Variants in NBPF11 observed in about 807,000 individuals in gnomAD.
NBPF11 encodes the protein NBPF family member NBPF11.
NBPF11 carries 72 observed loss-of-function variants against 93.9 expected under a neutral mutation model. The observed-to-expected ratio is 0.77, with a 90% CI of 0.63 to 0.93. NBPF11 has a LOEUF of 0.93. Ranked by LOEUF, NBPF11 falls within the 40% of genes least tolerant of loss-of-function variation. The probability of loss-of-function intolerance (pLI) is 0.00; values close to 1 mark genes in which losing one functional copy is unlikely to be tolerated. For synonymous variants in NBPF11, 224 were observed against 304.9 expected (o/e 0.73, Z 2.76); for missense variants, 705 against 802.2 (o/e 0.88, Z 1.46).
chr1:148,124,056 A>T lies in NBPF11; in HGVS notation c.290T>A (p.Val97Asp). The T allele has an allele frequency of 1.2e-6, 2 of 1,601,772 alleles. No individual in the cohort carries two copies. The highest frequency in any genetic ancestry group is 8.5e-7 in the Non-Finnish European group (1 of 1,170,872). The change falls in exon 7 of 24, where the codon GTC becomes GAC. Residue 97 changes from valine (V) to aspartate (D), a missense_variant. Coordinates refer to ENST00000682118, the MANE Select transcript of NBPF11 (RefSeq NM_001385469.3). ...KQAEELRQYKVLVHSQERELT... is the reference protein window; with the variant it reads ...KQAEELRQYKDLVHSQERELT... ...CTCTCGTTCCTGAGAGTGAACCAGG[A>T]CTTTATATTGCCTAAGGTGAGACGG...
Position 148,103,911 on chromosome 1 carries a change from G to T in NBPF11, c.2583C>A (p.Gly861=). 6.2e-7 allele frequency: 1 copy of T among 1,610,960 alleles called. No individual in the cohort carries two copies. The highest frequency in any genetic ancestry group is 1.7e-5 in the Admixed American group (1 of 60,008). ...TCCACTTCCATCAGCACGCTGCTGA[G>T]CCTGGAAAAGGAGACAAAACTAAAG... ...GKKIKTHHAP[G]SAAC The change falls in exon 24 of 24, where the codon GGC becomes GGA. Residue 861 remains glycine, a splice_region_variant and synonymous_variant. Transcript: ENST00000682118.
Position 148,122,179 on chromosome 1 carries a change from A to G in NBPF11, c.654T>C (p.Cys218=). The change falls in exon 9 of 24, where the codon TGT becomes TGC. Residue 218 remains cysteine, a synonymous_variant. Transcript: ENST00000682118. Reference sequence around the variant, plus strand: ...TGTTCTTGTGAGGCTGGATGGAGTCACAAGGGCCGTGGCTATTTGAACAAG... The same window carrying G: ...TGTTCTTGTGAGGCTGGATGGAGTCGCAAGGGCCGTGGCTATTTGAACAAG... ...AITCSNSHGP[C]DSIQPHKNIK... 1 of 1,612,950 alleles carries G rather than the reference A, an allele frequency of 6.2e-7. No homozygotes were observed. The highest frequency in any genetic ancestry group is 1.1e-5 in the South Asian group (1 of 91,030).
rs1263972683 is a variant in NBPF11 at position 148,132,558 on chromosome 1, T to C, written c.-36+3114A>G. On this transcript the variant is annotated intron_variant, in intron 4 of 23. Transcript: ENST00000682118. ...ACTTGGAATTTTTATTAGAATTGCA[T>C]TGGATCTGGAGATCAATTTACGAAG... is the stretch of plus-strand genomic sequence containing the variant. 4.7e-5 allele frequency among the ~76,000 whole-genome samples: 7 copies of C among 149,808 alleles called. No homozygotes were observed. In the East Asian group the frequency reaches 5.9e-4, roughly 13 times the overall value.
In NBPF11 at chr1:148,127,251, G is replaced by C. The variant is rs1490125799; in HGVS notation, c.-35-213C>G. 7 of 212,732 alleles carry C rather than the reference G, an allele frequency of 3.3e-5. No individual in the cohort carries two copies. The East Asian group carries it at 6.7e-4, about 20-fold the overall frequency. The allele number at this position is 212,732 out of a possible 1,614,324, so 13.2% of individuals were successfully genotyped here. On this transcript the variant is annotated intron_variant, in intron 4 of 23. Coordinates refer to ENST00000682118, the MANE Select transcript of NBPF11 (RefSeq NM_001385469.3). ...GAAAGCACTGCTCAGACTCTGATAA[G>C]AGTGAGGTAGATTGTGGCCAGCGTG...
chr1:148,138,489 G>A (rs1284745733), intron 2 of NBPF11, among the ~76,000 whole-genome samples: 1 of 151,916 alleles, frequency 6.6e-6, no homozygotes, highest in African/African-American at 2.4e-5. Flanking sequence ...GCTTTCCTAG[G>A]CAGAGGTCCC....
At chr1:148,118,506 G>T (rs1245290210) in intron 11 of NBPF11, 114 bp downstream of exon 11, 19 of 846,750 alleles carry the variant, frequency 2.2e-5, no homozygotes, top group Non-Finnish European at 3.6e-5. Flanking sequence ...ACCTGCCATG[G>T]CAATTCCTGC....
rs1454390173 is a variant in NBPF11 at position 148,110,389 on chromosome 1, A to G, written c.1790T>C (p.Val597Ala). 3 of 1,591,008 alleles carry G rather than the reference A, an allele frequency of 1.9e-6. No homozygotes were observed. In the African/African-American group the frequency reaches 4.0e-5, roughly 21 times the overall value. ...SLEEQQVCMA[V>A]DIGRHRWDQV... ...AATGGAGTACTCACTGCCTATGTCA[A>G]CAGCCATGCAGACTTGCTGTTCCTC... The change falls in exon 16 of 24, where the codon GTT becomes GCT. Residue 597 changes from valine (V) to alanine (A), a missense_variant. Around this residue, in one of 12 missense-constraint regions of NBPF11, gnomAD observed 8 missense variants for 24.7 expected, o/e 0.32. Transcript: ENST00000682118.
At chr1:148,146,677 C>T in intron 1 of NBPF11, 2 of 1,611,804 alleles carry the variant, frequency 1.2e-6, no homozygotes, top group East Asian at 2.2e-5. Context: ...CAAGAGCGCC[C>T]GCGGCAACCG....
intron 1 of NBPF11, among the ~76,000 whole-genome samples, chr1:148,150,935 G>T (rs1257154443): frequency 6.6e-6 from 1 of 151,798 alleles, no homozygotes; most frequent in Non-Finnish European, 1.5e-5. Context: ...CACTGTGTTA[G>T]CCAGGATGGT....
rs1662867909 is a variant in NBPF11 at position 148,103,860 on chromosome 1, G to C, written c.*36C>G. On this transcript the variant is annotated 3_prime_UTR_variant, in exon 24 of 24. Coordinates refer to ENST00000682118, the MANE Select transcript of NBPF11 (RefSeq NM_001385469.3). ...GATGGAGTCGAATAATATCTATCCA[G>C]TGAGTCCTGTAAGACTTCAGGCACT... 4 of 1,611,362 alleles carry C rather than the reference G, an allele frequency of 2.5e-6. No individual in the cohort carries two copies. Among genetic ancestry groups the C allele is most frequent in the Non-Finnish European group, 3.4e-6 (4 of 1,179,392 alleles).
chr1:148,144,573 G>T (rs1394456846), intron 1 of NBPF11, among the ~76,000 whole-genome samples: 1 of 151,212 alleles, frequency 6.6e-6, no homozygotes, highest in African/African-American at 2.4e-5. Context: ...AAATGAGATT[G>T]AACACATACA....
chr1:148,115,915 G>A lies in NBPF11; in HGVS notation c.1463C>T (p.Pro488Leu). The A allele has an allele frequency of 6.3e-7, 1 of 1,584,014 alleles. No individual in the cohort carries two copies. Among genetic ancestry groups the A allele is most frequent in the South Asian group, 1.1e-5 (1 of 90,404 alleles). The change falls in exon 14 of 24, where the codon CCT (proline) becomes CTT (leucine). Residue 488 changes from proline to leucine, a missense_variant. Pro to Leu is a moderately conservative substitution (Grantham distance 98). Transcript: ENST00000682118. ...TCTATGTGGCTGGTTGGAGTCATAA[G>A]GGCCATGGCTATTTGAACAAGTGAT... ...CAITCSNSHG[P>L]YDSNQPHRKT... is the part of the protein sequence containing the mutation.
In NBPF11 at chr1:148,105,448, A is replaced by G; in HGVS notation, c.2384T>C (p.Val795Ala). The G allele has an allele frequency of 2.7e-6, 3 of 1,110,936 alleles. No homozygotes were observed. Among genetic ancestry groups the G allele is most frequent in the Non-Finnish European group, 4.0e-6 (3 of 747,472 alleles). The allele number at this position is 1,110,936 out of a possible 1,614,324, so 68.8% of individuals were successfully genotyped here. ...SLDVIQLLPV[V>A]LNSLTPASPT... ...GCTGGCAGGAGTCAGGCTGTTCAAG[A>G]CAACTGGAAGGAGTTGAATAACATC... The change falls in exon 22 of 24, where the codon GTC (valine) becomes GCC (alanine). Residue 795 changes from valine (V) to alanine (A), a missense_variant. Coordinates refer to ENST00000682118, the MANE Select transcript of NBPF11 (RefSeq NM_001385469.3).
rs1454742992 is a variant in NBPF11 at position 148,108,588 on chromosome 1, A to G, written c.1920T>C (p.Tyr640=). The G allele has an allele frequency of 1.4e-5, 22 of 1,571,334 alleles. No individual in the cohort carries two copies. Among genetic ancestry groups the G allele is most frequent in the East Asian group, 9.0e-5 (4 of 44,634 alleles). The change falls in exon 18 of 24, where the codon TAT becomes TAC. Residue 640 remains tyrosine (Y), a synonymous_variant. Coordinates refer to ENST00000682118, the MANE Select transcript of NBPF11 (RefSeq NM_001385469.3). The part of the protein sequence containing the change: ...EVLQDSLDRC[Y]STPSVYLGLT... ...GTCCAAGATAAACTGAAGGAGTTGA[A>G]TAACATCTATCCAGTGAGTCCTGCA...
In NBPF11 at chr1:148,122,768, A is replaced by G. The variant is rs781871398; in HGVS notation, c.527T>C (p.Val176Ala). 4 of 1,610,084 alleles carry G rather than the reference A, an allele frequency of 2.5e-6. No homozygotes were observed. In the South Asian group the frequency reaches 3.3e-5, roughly 13 times the overall value. The change falls in exon 8 of 24, where the codon GTT (valine) becomes GCT (alanine). Residue 176 changes from valine to alanine, a missense_variant. Val to Ala is a moderately conservative substitution (Grantham distance 64). Coordinates refer to ENST00000682118, the MANE Select transcript of NBPF11 (RefSeq NM_001385469.3). ...TTCCAGTACTTTCTCATCCTCCTCA[A>G]CTTGAACATCTTCATCCTCATCTTC... ...NDEDEDEDVQVEEDEKVLESS... is the reference protein window; with the variant it reads ...NDEDEDEDVQAEEDEKVLESS...
At chr1:148,115,098 G>C (rs1223343706) in intron 14 of NBPF11, among the ~76,000 whole-genome samples, 1 of 120,190 alleles carries the variant, frequency 8.3e-6, no homozygotes, top group African/African-American at 3.6e-5. Flanking sequence ...CTGGGAGGCA[G>C]AGGTTGCACC....
rs1474740510 is a variant in NBPF11 at position 148,108,733 on chromosome 1, C to T, written c.1854-79G>A. The T allele has an allele frequency of 6.8e-5, 54 of 799,006 alleles. 1 individual carries two copies. The East Asian group carries it at 1.3e-3, about 20-fold the overall frequency. 49.5% of individuals were successfully genotyped at this position (799,006 alleles called of 1,614,324 possible). ...AGCCCCAGCTAGATTTCATGGCTAACATGAGGAAGAGTTTGAAAAGAAAAA... is the reference window on the plus strand; with the variant it reads ...AGCCCCAGCTAGATTTCATGGCTAATATGAGGAAGAGTTTGAAAAGAAAAA... On this transcript the variant is annotated intron_variant, in intron 17 of 23. Transcript: ENST00000682118.
At chr1:148,138,097 G>T (rs1224334943) in intron 2 of NBPF11, among the ~76,000 whole-genome samples, 2 of 149,506 alleles carry the variant, frequency 1.3e-5, no homozygotes, top group Non-Finnish European at 3.0e-5. Flanking sequence ...GTAAACACGT[G>T]AACAAATGTC....
intron 4 of NBPF11, among the ~76,000 whole-genome samples, chr1:148,127,815 CTTTT>C (rs1183487358): frequency 3.7e-5 from 5 of 136,162 alleles, no homozygotes; most frequent in African/African-American, 1.4e-4. Context: ...GCTAATTTTT[CTTTT>C]TTTTTTTTTT....
Sources: allele counts gnomAD v4.1 joint callset (sites outside exome capture counted in the v4.1 genomes callset), GRCh38; gene constraint gnomAD v4.1.1; regional missense constraint gnomAD v4.1.1; transcripts MANE v1.5; gene names NCBI Gene and HGNC (gene_info 2026-07-23, HGNC 2026-07-21).